UMODL1: variants seen among roughly 807,000 people sequenced by gnomAD.
The protein encoded by UMODL1 is uromodulin-like 1.
Under a neutral mutation model 136.3 loss-of-function variants are expected in UMODL1, and 128 were observed. The observed-to-expected ratio is 0.94, with a 90% CI of 0.81 to 1.09. The LOEUF (loss-of-function observed/expected upper bound fraction) is 1.09. Ranked by LOEUF, UMODL1 falls within the 50% of genes least tolerant of loss-of-function variation. UMODL1 has a pLI of 0.00. For synonymous variants in UMODL1, 721 were observed against 720.0 expected (o/e 1.00, Z -0.02); for missense variants, 1,766 against 1,725.6 (o/e 1.02, Z -0.41).
chr21:42,095,807 TAGA>T (rs560104682), intron 6 of UMODL1, among the ~76,000 whole-genome samples: 516 of 152,246 alleles, frequency 3.4e-3, no homozygotes, highest in Non-Finnish European at 5.8e-3. Flanking sequence ...ATGGGGATCC[TAGA>T]AGAACTTATT....
intron 8 of UMODL1, chr21:42,103,553 A>G (rs904583915): frequency 4.4e-6 from 2 of 459,002 alleles, no homozygotes; most frequent in African/African-American, 2.0e-5. Context: ...GCTCACACAA[A>G]TGACCTTCGC....
chr21:42,142,200 C>T lies in UMODL1; in HGVS notation c.*126C>T, dbSNP rs1420350140. 1 of 152,258 alleles carries T rather than the reference C, an allele frequency of 6.6e-6. No homozygotes were observed. Among genetic ancestry groups the T allele is most frequent in the African/African-American group, 2.4e-5 (1 of 41,450 alleles). The allele number at this position is 152,258 out of a possible 1,614,324, so 9.4% of individuals were successfully genotyped here. A position where few individuals can be genotyped will look rare whatever the true frequency, so the allele number is the denominator to read the frequency against. ...CCTCCACCCATCCCTCGGTTCTTAA[C>T]TCTTCAAGCCTTAACGGAGGTCTGC... is the stretch of plus-strand genomic sequence containing the variant. On this transcript the variant is annotated 3_prime_UTR_variant, in exon 23 of 23. Transcript: ENST00000408910.
intron 9 of UMODL1, among the ~76,000 whole-genome samples, chr21:42,106,314 T>C (rs2066717291): frequency 6.6e-6 from 1 of 152,176 alleles, no homozygotes; most frequent in South Asian, 2.1e-4. Flanking sequence ...AAGAAGACAT[T>C]TGATATTACT....
intron 8 of UMODL1, 66 bp from the exon 9 acceptor site, chr21:42,103,802 C>T (rs1291505445): frequency 6.3e-7 from 1 of 1,587,100 alleles, no homozygotes; most frequent in Non-Finnish European, 8.7e-7. Context: ...ATCGGTCACA[C>T]CTGGAACCCT....
intron 7 of UMODL1, chr21:42,101,613 G>A (rs1247220917): frequency 4.7e-5 from 20 of 428,742 alleles, no homozygotes; most frequent in Non-Finnish European, 7.0e-5. Context: ...GAATATTCCC[G>A]TGTCCCATCT....
intron 13 of UMODL1, 138 bp downstream of exon 13, chr21:42,113,968 C>G: frequency 7.9e-7 from 1 of 1,263,692 alleles, no homozygotes; most frequent in Non-Finnish European, 1.1e-6. Flanking sequence ...GGACATCCGG[C>G]TGGCTTCAGC....
intron 21 of UMODL1, among the ~76,000 whole-genome samples, chr21:42,135,788 G>A (rs2067198078): frequency 6.6e-6 from 1 of 152,140 alleles, no homozygotes; most frequent in Admixed American, 6.5e-5. Flanking sequence ...AGGAGGGATG[G>A]TGTGGTTCTA....
At chr21:42,083,363 G>A (rs574160355) in intron 2 of UMODL1, among the ~76,000 whole-genome samples, 19 of 152,260 alleles carry the variant, frequency 1.2e-4, no homozygotes, top group African/African-American at 2.9e-4. Flanking sequence ...ACCCCATCCC[G>A]TCTGTCAGCA....
In UMODL1 at chr21:42,104,094, C is replaced by A. The variant is rs1253995549; in HGVS notation, c.1519+7C>A. On this transcript the variant is annotated splice_region_variant and intron_variant, in intron 9 of 22. Coordinates refer to ENST00000408910, the MANE Select transcript of UMODL1 (RefSeq NM_001004416.3). ...CAGGGGACACGCGTGCAAGGTATGG[C>A]CCAGCCACCCGCCCTGCTGCCTGGT... 15 of 1,600,654 alleles carry A rather than the reference C, an allele frequency of 9.4e-6. No individual in the cohort carries two copies. Among genetic ancestry groups the A allele is most frequent in the Non-Finnish European group, 1.3e-5 (15 of 1,170,760 alleles).
rs1257285383 is a variant in UMODL1, at chr21:42,071,380, A to G, written c.64A>G (p.Ser22Gly). The change falls in exon 1 of 23, where the codon AGC (serine) becomes GGC (glycine). Residue 22 changes from serine to glycine, a missense_variant. Physicochemically the swap from Ser to Gly is moderately conservative, Grantham distance 56. Transcript: ENST00000408910. ...CAGTGCTGTGGGCCCAAGCCAGGCC[A>G]GCGGCTTCACAGGTGAGGGGTCTGG... Reference protein sequence around the residue: ...LVSAVGPSQASGFTEKGLSLL... With the variant: ...LVSAVGPSQAGGFTEKGLSLL... 2 of 1,592,922 alleles carry G rather than the reference A, an allele frequency of 1.3e-6. No homozygotes were observed. Among genetic ancestry groups the G allele is most frequent in the Admixed American group, 3.5e-5 (2 of 56,886 alleles).
At position 42,111,864 on chromosome 21, in the gene UMODL1, C is replaced by A. The variant is rs369224571; in HGVS notation, c.2104+154C>A. 6.4e-4 allele frequency among the ~76,000 whole-genome samples: 97 copies of A among 152,278 alleles called. No homozygotes were observed. In the East Asian group the frequency reaches 0.017, roughly 26 times the overall value. On this transcript the variant is annotated intron_variant, in intron 12 of 22. Coordinates refer to ENST00000408910, the MANE Select transcript of UMODL1 (RefSeq NM_001004416.3). Reference sequence around the variant, plus strand: ...TTGTGCGTGTGGAAACGGAGGCACCCAGCAGCTGGTTTCTAGTTGAGTTAG... The same window carrying A: ...TTGTGCGTGTGGAAACGGAGGCACCAAGCAGCTGGTTTCTAGTTGAGTTAG...
rs768607330 is a variant in UMODL1 at position 42,111,704 on chromosome 21, G to A, written c.2098G>A (p.Ala700Thr). 17 of 1,609,692 alleles carry A rather than the reference G, an allele frequency of 1.1e-5. No individual in the cohort carries two copies. The highest frequency in any genetic ancestry group is 1.6e-4 in the Middle Eastern group (1 of 6,064). The stretch of plus-strand genomic sequence containing the variant: ...CACCCTCACAGCTCTGAAGACCCCC[G>A]CCTGTGGTGAGTTCCTCGAATGGTG... ...TSTLTALKTP[A>T]CVPVSIGRIM... is the part of the protein sequence containing the mutation. Residue 700 changes from alanine (A) to threonine (T), a missense_variant, in exon 12 of 23, where the codon GCC becomes ACC. By Grantham distance (58) the Ala-to-Thr change is moderately conservative (BLOSUM62 0). Coordinates refer to ENST00000408910, the MANE Select transcript of UMODL1 (RefSeq NM_001004416.3).
intron 1 of UMODL1, among the ~76,000 whole-genome samples, chr21:42,073,457 C>T (rs2066254508): frequency 6.6e-6 from 1 of 152,216 alleles, no homozygotes; most frequent in African/African-American, 2.4e-5. Context: ...AGGTGGTCCC[C>T]ATCCCCAGAG....
intron 21 of UMODL1, among the ~76,000 whole-genome samples, chr21:42,133,575 C>G (rs1569179968): frequency 6.6e-6 from 1 of 152,226 alleles, no homozygotes; most frequent in South Asian, 2.1e-4. Context: ...TGTTCTCTCT[C>G]AGTTCTGGAG....
Position 42,098,691 on chromosome 21 carries a change from C to T in UMODL1, c.932-235C>T, listed in dbSNP as rs150296904. ...GCTGAGGCAGAGAATTGCTTGAACC[C>T]GGGAGGCAGAGGTTGCAGTGAGCCG... On this transcript the variant is annotated intron_variant, in intron 6 of 22. Coordinates refer to ENST00000408910, the MANE Select transcript of UMODL1 (RefSeq NM_001004416.3). Among the ~76,000 whole-genome samples the T allele has an allele frequency of 6.6e-5, 10 of 152,194 alleles. No homozygotes were observed. In the East Asian group the frequency reaches 1.2e-3, roughly 18 times the overall value.
At chr21:42,101,670 C>T (rs2146476246) in intron 7 of UMODL1, 1 of 453,742 alleles carries the variant, frequency 2.2e-6, no homozygotes. Context: ...AACGCAACCT[C>T]CCTTGTAAGT....
chr21:42,090,944 C>T (rs1034668799), intron 6 of UMODL1, among the ~76,000 whole-genome samples: 2 of 152,200 alleles, frequency 1.3e-5, no homozygotes, highest in African/African-American at 4.8e-5. Context: ...TAAATGAGTG[C>T]CGGCAGTGAG....
intron 6 of UMODL1, among the ~76,000 whole-genome samples, chr21:42,094,694 C>T (rs1443844751): frequency 1.3e-5 from 2 of 152,116 alleles, no homozygotes; most frequent in Non-Finnish European, 2.9e-5. Flanking sequence ...GGAAGATTTC[C>T]AGTTTTAAAA....
intron 1 of UMODL1, among the ~76,000 whole-genome samples, chr21:42,065,379 C>A (rs1441042666): frequency 6.6e-6 from 1 of 152,084 alleles, no homozygotes; most frequent in Non-Finnish European, 1.5e-5. Flanking sequence ...GCAGAATGGC[C>A]CTGATGGGTC....
Sources: gnomAD v4.1 joint callset for allele counts (sites outside exome capture counted in the v4.1 genomes callset) on GRCh38, gnomAD v4.1.1 for gene constraint, MANE v1.5 for transcripts, NCBI Gene and HGNC (gene_info 2026-07-23, HGNC 2026-07-21) for gene names.